TAFA1: variants seen among roughly 807,000 people sequenced by gnomAD.
TAFA1 encodes TAFA chemokine like family member 1.
A neutral mutation model predicts 18.5 loss-of-function variants in TAFA1; 4 were observed. That is an observed-to-expected ratio of 0.22 (90% CI 0.11 to 0.49). The LOEUF (loss-of-function observed/expected upper bound fraction) is 0.49, where lower values mean the gene tolerates loss of function less well. TAFA1 is among the 20% of genes least tolerant of loss of function. The probability of loss-of-function intolerance (pLI) is 0.98; values close to 1 mark genes in which losing one functional copy is unlikely to be tolerated. For synonymous variants in TAFA1, 56 were observed against 55.2 expected, an observed-to-expected ratio of 1.01 and a Z score of -0.06; for missense variants, 147 against 169.0, an observed-to-expected ratio of 0.87 and a Z score of 0.72.
In TAFA1 at chr3:68,478,924, A is replaced by ATG. The variant is rs138226605; in HGVS notation, c.260-59831_260-59830insGT. Among the ~76,000 whole-genome samples, 372 of 149,928 alleles carry ATG rather than the reference A, an allele frequency of 2.5e-3. 5 individuals are homozygous for ATG. The highest frequency in any genetic ancestry group is 8.5e-3 in the African/African-American group (350 of 41,040). ...TTATGTCGTATATGTGTGTATATATATATATATACATAAAAATATATATCT... is the reference window on the plus strand; with the variant it reads ...TTATGTCGTATATGTGTGTATATATATGTATATATACATAAAAATATATATCT... On this transcript the variant is annotated intron_variant, in intron 3 of 4. Transcript: ENST00000478136.
chr3:68,128,200 C>T (rs1237181190), intron 2 of TAFA1, among the ~76,000 whole-genome samples: 10 of 152,136 alleles, frequency 6.6e-5, no homozygotes, highest in African/African-American at 2.4e-4. Flanking sequence ...TCTCCAGAGG[C>T]TACACACTTA....
At chr3:68,254,799 T>C (rs2067266885) in intron 2 of TAFA1, among the ~76,000 whole-genome samples, 1 of 152,076 alleles carries the variant, frequency 6.6e-6, no homozygotes, top group Non-Finnish European at 1.5e-5. Context: ...CATTGTATTA[T>C]ATAGGCAGAA....
At chr3:68,030,600 A>C (rs899584223) in intron 2 of TAFA1, among the ~76,000 whole-genome samples, 1 of 152,006 alleles carries the variant, frequency 6.6e-6, no homozygotes, top group African/African-American at 2.4e-5. Flanking sequence ...GAACTCATCT[A>C]TTTTTATGGC....
intron 2 of TAFA1, among the ~76,000 whole-genome samples, chr3:68,289,790 G>T (rs2068076965): frequency 6.6e-6 from 1 of 152,172 alleles, no homozygotes; most frequent in Non-Finnish European, 1.5e-5. Flanking sequence ...TCAGCAACGG[G>T]TTGAGTAATG....
At chr3:68,035,883 C>T (rs886836422) in intron 2 of TAFA1, among the ~76,000 whole-genome samples, 4 of 152,192 alleles carry the variant, frequency 2.6e-5, no homozygotes, top group African/African-American at 9.7e-5. Flanking sequence ...AGGGCTGAAT[C>T]TCAATTGCAT....
At chr3:68,285,217 A>G (rs898487997) in intron 2 of TAFA1, among the ~76,000 whole-genome samples, 2 of 152,246 alleles carry the variant, frequency 1.3e-5, no homozygotes, top group African/African-American at 4.8e-5. Context: ...TTGCAAGAAT[A>G]GGCAAAACCA....
At chr3:68,385,475 G>C (rs1330573245) in intron 2 of TAFA1, among the ~76,000 whole-genome samples, 1 of 152,030 alleles carries the variant, frequency 6.6e-6, no homozygotes. Context: ...TTAGCTGTGG[G>C]ATTTTGAGAC....
intron 3 of TAFA1, among the ~76,000 whole-genome samples, chr3:68,482,184 G>C (rs1476088878): frequency 6.6e-6 from 1 of 151,792 alleles, no homozygotes. Flanking sequence ...CTAATTTTTT[G>C]TATTTTTAAT....
At chr3:67,993,395 G>C in the TAFA1 span, among the ~76,000 whole-genome samples, 1 of 152,208 alleles carries the variant, frequency 6.6e-6, no homozygotes, top group Non-Finnish European at 1.5e-5. Context: ...TAAGGCGGAA[G>C]CAGCAATATG....
intron 3 of TAFA1, among the ~76,000 whole-genome samples, chr3:68,466,158 T>C (rs2071881512): frequency 6.6e-6 from 1 of 151,884 alleles, no homozygotes; most frequent in African/African-American, 2.4e-5. Context: ...ATGAGTAGAG[T>C]TGGCATACTT....
At chr3:68,131,259 A>T (rs987968298) in intron 2 of TAFA1, among the ~76,000 whole-genome samples, 1 of 152,066 alleles carries the variant, frequency 6.6e-6, no homozygotes, top group Non-Finnish European at 1.5e-5. Flanking sequence ...ATATTTTCCC[A>T]TGATCTGGGT....
intron 3 of TAFA1, among the ~76,000 whole-genome samples, chr3:68,491,441 C>CA (rs888219527): frequency 2.7e-5 from 4 of 148,502 alleles, no homozygotes; most frequent in African/African-American, 9.9e-5. Context: ...TCGCCAAGAA[C>CA]AAAAAACCAA....
chr3:68,474,535 G>A (rs2072056029), intron 3 of TAFA1, among the ~76,000 whole-genome samples: 1 of 152,160 alleles, frequency 6.6e-6, no homozygotes, highest in African/African-American at 2.4e-5. Flanking sequence ...AACTCACTAA[G>A]GTATGAACTC....
intron 3 of TAFA1, among the ~76,000 whole-genome samples, chr3:68,536,923 T>G (rs1029779770): frequency 2.0e-5 from 3 of 152,202 alleles, no homozygotes; most frequent in Non-Finnish European, 4.4e-5. Context: ...GGATATATTT[T>G]TATCTAATAT....
At chr3:68,131,861 A>G (rs1157284062) in intron 2 of TAFA1, among the ~76,000 whole-genome samples, 1 of 133,212 alleles carries the variant, frequency 7.5e-6, no homozygotes, top group Non-Finnish European at 1.6e-5. Context: ...AGGAATGATC[A>G]TAGAAACTCC....
At chr3:68,534,176 C>T (rs1392682285) in intron 3 of TAFA1, among the ~76,000 whole-genome samples, 2 of 152,066 alleles carry the variant, frequency 1.3e-5, no homozygotes, top group African/African-American at 4.8e-5. Flanking sequence ...TTCTCTGAAG[C>T]CCCCACCTTG....
At chr3:68,115,636 G>A (rs2065316000) in intron 2 of TAFA1, among the ~76,000 whole-genome samples, 1 of 152,164 alleles carries the variant, frequency 6.6e-6, no homozygotes, top group Non-Finnish European at 1.5e-5. Context: ...CTTGCTCCCT[G>A]AACGGTCAGT....
At chr3:68,241,084 A>C (rs182408252) in intron 2 of TAFA1, among the ~76,000 whole-genome samples, 5 of 152,332 alleles carry the variant, frequency 3.3e-5, no homozygotes, top group Admixed American at 3.3e-4. Flanking sequence ...TTACCTATTT[A>C]AACTAAAGAA....
At chr3:68,414,956 C>T (rs529101790) in intron 2 of TAFA1, among the ~76,000 whole-genome samples, 1 of 152,260 alleles carries the variant, frequency 6.6e-6, no homozygotes, top group East Asian at 1.9e-4. Context: ...GTCGAACTAG[C>T]TGTTACTGAC....
Sources: allele counts gnomAD v4.1 joint callset (sites outside exome capture counted in the v4.1 genomes callset), GRCh38; gene constraint gnomAD v4.1.1; transcripts MANE v1.5; gene names NCBI Gene and HGNC (gene_info 2026-07-23, HGNC 2026-07-21).